The following CCDC88A variants were observed in gnomAD, a reference collection of about 807,000 sequenced individuals.
The protein encoded by CCDC88A is coiled-coil and HOOK domain protein 88A, also known as girdin.
In CCDC88A, 54 loss-of-function variants were observed where a neutral mutation model predicts 234.3. The observed-to-expected ratio is 0.23, with a 90% CI of 0.19 to 0.29. The LOEUF (loss-of-function observed/expected upper bound fraction) is 0.29. CCDC88A is among the 10% of genes least tolerant of loss of function. The pLI is 1.00. For missense variants in CCDC88A, 1,832 were observed against 2,123.4 expected, an observed-to-expected ratio of 0.86 and a Z score of 2.70; for synonymous variants, 753 against 737.8, an observed-to-expected ratio of 1.02 and a Z score of -0.33.
chr2:55,300,083 C>T lies in CCDC88A; in HGVS notation c.4745-164G>A. The T allele has an allele frequency of 6.8e-6, 4 of 586,510 alleles. No homozygotes were observed. The South Asian group carries it at 7.8e-5, about 11-fold the overall frequency. 36.3% of individuals were successfully genotyped at this position (586,510 alleles called of 1,614,324 possible). A position where few individuals can be genotyped will look rare whatever the true frequency, so the allele number is the denominator to read the frequency against. On this transcript the variant is annotated intron_variant, in intron 28 of 32. Transcript: ENST00000436346. ...CAAATTTCCAGATAGTTCATTGAGA[C>T]ACTTTAGAATAGGACACTTCTGAAA...
intron 17 of CCDC88A, among the ~76,000 whole-genome samples, chr2:55,325,940 T>A (rs1484227577): frequency 1.3e-5 from 2 of 152,246 alleles, no homozygotes; most frequent in African/African-American, 4.8e-5. Flanking sequence ...ATAGCCAATC[T>A]AGCAATTTTT....
In CCDC88A at chr2:55,319,927, T is replaced by C. The variant is rs368710874; in HGVS notation, c.3163-923A>G. On this transcript the variant is annotated intron_variant, in intron 18 of 32. Coordinates refer to ENST00000436346, the MANE Select transcript of CCDC88A (RefSeq NM_001365480.1). The stretch of plus-strand genomic sequence containing the variant: ...TAAAAAGTTAACAACTGAATCACAA[T>C]AGATCACTCTTATCATATCTATATG... 5.3e-5 allele frequency among the ~76,000 whole-genome samples: 8 copies of C among 152,272 alleles called. No homozygotes were observed. In the East Asian group the frequency reaches 7.7e-4, roughly 15 times the overall value.
Position 55,309,466 on chromosome 2 carries a change from G to A in CCDC88A, c.4080-212C>T, listed in dbSNP as rs375549879. 1.3e-5 allele frequency among the ~76,000 whole-genome samples: 2 copies of A among 151,602 alleles called. No homozygotes were observed. Among genetic ancestry groups the A allele is most frequent in the South Asian group, 4.2e-4 (2 of 4,816 alleles). ...AATTTACATTTTTTTTTCCTTTTTG[G>A]AAGAAAGGTGACCTATTACAATTTA... On this transcript the variant is annotated intron_variant, in intron 23 of 32. Coordinates refer to ENST00000436346, the MANE Select transcript of CCDC88A (RefSeq NM_001365480.1). This position sits in a 1 kb window ranked among gnomAD's most constrained non-coding sequence, Gnocchi z 5.1.
intron 3 of CCDC88A, among the ~76,000 whole-genome samples, chr2:55,387,589 C>G (rs1431756200): frequency 6.6e-6 from 1 of 151,750 alleles, no homozygotes; most frequent in Non-Finnish European, 1.5e-5. Context: ...TGAGACCAGC[C>G]TAGCCAACAT....
At position 55,328,207 on chromosome 2, in the gene CCDC88A, A is replaced by T; in HGVS notation, c.2997+87T>A. ...TAGACTAAATATCAATAAAATGTTT[A>T]TATTTTTATTTTCTACTTTATATTT... On this transcript the variant is annotated intron_variant, in intron 17 of 32. Coordinates refer to ENST00000436346, the MANE Select transcript of CCDC88A (RefSeq NM_001365480.1). The surrounding 1 kb of genome is among the most constrained non-coding windows in gnomAD (Gnocchi z 4.3). The T allele has an allele frequency of 9.8e-7, 1 of 1,017,878 alleles. No individual in the cohort carries two copies. The highest frequency in any genetic ancestry group is 2.7e-5 in the East Asian group (1 of 36,810). The allele number at this position is 1,017,878 out of a possible 1,614,324, so 63.1% of individuals were successfully genotyped here.
chr2:55,291,724 T>A lies in CCDC88A; in HGVS notation c.5603A>T (p.Gln1868Leu). The A allele has an allele frequency of 6.2e-7, 1 of 1,609,598 alleles. No homozygotes were observed. The highest frequency in any genetic ancestry group is 8.5e-7 in the Non-Finnish European group (1 of 1,176,610). The change falls in exon 32 of 33, where the codon CAA becomes CTA. Residue 1868 changes from glutamine to leucine, a missense_variant. Physicochemically the swap from Gln to Leu is moderately radical, Grantham distance 113. Coordinates refer to ENST00000436346, the MANE Select transcript of CCDC88A (RefSeq NM_001365480.1). ...SRNSKSRSRE[Q>L]QSS is the part of the protein sequence containing the mutation. ...TGGGTAATAGAATTAGGAGCTTTGT[T>A]GCTCCCTAGACCTGCTTTTTGAATT...
intron 5 of CCDC88A, among the ~76,000 whole-genome samples, chr2:55,366,871 A>T (rs1262516668): frequency 6.6e-6 from 1 of 152,158 alleles, no homozygotes; most frequent in Non-Finnish European, 1.5e-5. Context: ...TGTTTTAAAT[A>T]AGAAAACCGA....
rs759002794 is a variant in CCDC88A at position 55,334,888 on chromosome 2, GTAA to G, written c.1930_1932del (p.Leu644del). The G allele has an allele frequency of 6.6e-7, 1 of 1,510,816 alleles. No individual in the cohort carries two copies. 93.6% of individuals were successfully genotyped at this position (1,510,816 alleles called of 1,614,324 possible). The stretch of plus-strand genomic sequence containing the variant: ...ATTTTTAAATTAGTTATTTTTTTCT[GTAA>G]TAATTCATTTTCTTTTTCAAGATGA... On this transcript the variant is annotated inframe_deletion, in exon 15 of 33. Coordinates refer to ENST00000436346, the MANE Select transcript of CCDC88A (RefSeq NM_001365480.1). This position sits in a 1 kb window ranked among gnomAD's most constrained non-coding sequence, Gnocchi z 6.1.
At chr2:55,305,774 T>A (rs1032001656) in intron 25 of CCDC88A, among the ~76,000 whole-genome samples, 2 of 151,958 alleles carry the variant, frequency 1.3e-5, no homozygotes, top group African/African-American at 4.8e-5. Context: ...AGCAGGAGGA[T>A]CCCTTGAGTC....
At chr2:55,375,987 T>A (rs775245602) in intron 3 of CCDC88A, among the ~76,000 whole-genome samples, 1 of 152,216 alleles carries the variant, frequency 6.6e-6, no homozygotes, top group Non-Finnish European at 1.5e-5. Flanking sequence ...CTACAACAGA[T>A]GTTTAACTTC....
intron 17 of CCDC88A, chr2:55,323,036 C>T (rs985606286): frequency 1.3e-4 from 22 of 163,616 alleles, no homozygotes; most frequent in African/African-American, 4.3e-4. Context: ...GAGATGCCTA[C>T]GTAAAGCACA....
At position 55,343,663 on chromosome 2, in the gene CCDC88A, T is replaced by C. The variant is rs748600311; in HGVS notation, c.1318A>G (p.Ser440Gly). 30 of 1,602,574 alleles carry C rather than the reference T, an allele frequency of 1.9e-5. No individual in the cohort carries two copies. Among genetic ancestry groups the C allele is most frequent in the Non-Finnish European group, 2.5e-5 (29 of 1,176,058 alleles). The change falls in exon 12 of 33, where the codon AGT (serine) becomes GGT (glycine). Residue 440 changes from serine to glycine, a missense_variant. Physicochemically the swap from Ser to Gly is moderately conservative, Grantham distance 56. Transcript: ENST00000436346. ...TTGGGAATACCTTCGGAAAGTTCACTAGTTCTGGATATCTGTTCCAGTTCC... is the reference window on the plus strand; with the variant it reads ...TTGGGAATACCTTCGGAAAGTTCACCAGTTCTGGATATCTGTTCCAGTTCC... ...GWELEQISRTSELSEAPQKSL... is the reference protein window; with the variant it reads ...GWELEQISRTGELSEAPQKSL...
rs147809066 is a variant in CCDC88A, at chr2:55,330,830, C to T, written c.2855+1736G>A. ...CTTCCAAATTCATCCTTTTTGTAAT[C>T]CATCTTTCATATACTCTAAAAATTG... On this transcript the variant is annotated intron_variant, in intron 16 of 32. Transcript: ENST00000436346. Among the ~76,000 whole-genome samples, 45 of 152,264 alleles carry T rather than the reference C, an allele frequency of 3.0e-4. No homozygotes were observed. The East Asian group carries it at 6.2e-3, about 21-fold the overall frequency.
At chr2:55,400,698 T>G (rs1182537316) in intron 2 of CCDC88A, among the ~76,000 whole-genome samples, 2 of 152,184 alleles carry the variant, frequency 1.3e-5, no homozygotes, top group African/African-American at 4.8e-5. Context: ...AACTAATATA[T>G]ATAAGAAACA....
intron 25 of CCDC88A, chr2:55,308,092 C>T (rs1366033054): frequency 1.3e-5 from 2 of 151,750 alleles, no homozygotes; most frequent in African/African-American, 4.9e-5. Context: ...TGAGCCACCA[C>T]GTCTGGCTAA....
chr2:55,323,594 C>A (rs189714870), intron 17 of CCDC88A: 1 of 152,278 alleles, frequency 6.6e-6, no homozygotes, highest in African/African-American at 2.4e-5. Flanking sequence ...TGAGTGGCAT[C>A]ATTTCTAGTC....
intron 2 of CCDC88A, among the ~76,000 whole-genome samples, chr2:55,407,909 G>C (rs146055566): frequency 6.7e-6 from 1 of 148,710 alleles, no homozygotes; most frequent in Non-Finnish European, 1.5e-5. Context: ...GTAGAGACGG[G>C]GTTTCACCAT....
At chr2:55,293,943 G>A (rs1227492584) in intron 31 of CCDC88A, 1 of 148,690 alleles carries the variant, frequency 6.7e-6, no homozygotes, top group Non-Finnish European at 1.5e-5. Context: ...AAGCTAAAGA[G>A]TGTATTTATT....
rs181116838 is a variant in CCDC88A, at chr2:55,303,386, A to G, written c.4388-234T>C. Among the ~76,000 whole-genome samples, 236 of 148,810 alleles carry G rather than the reference A, an allele frequency of 1.6e-3. 1 individual carries two copies. The Middle Eastern group carries it at 0.021, about 13-fold the overall frequency. ...AGCACTGAAGACAATGATGAGGAAC[A>G]TATACTTTTTTTTTTTTTTTTTTGA... On this transcript the variant is annotated intron_variant, in intron 25 of 32. Coordinates refer to ENST00000436346, the MANE Select transcript of CCDC88A (RefSeq NM_001365480.1).
Sources: allele counts gnomAD v4.1 joint callset (sites outside exome capture counted in the v4.1 genomes callset), GRCh38; gene constraint gnomAD v4.1.1; non-coding constraint Gnocchi (gnomAD v3.1); transcripts MANE v1.5; gene names NCBI Gene and HGNC (gene_info 2026-07-23, HGNC 2026-07-21).